LCP1: variants seen among roughly 807,000 people sequenced by gnomAD.
The protein encoded by LCP1 is lymphocyte cytosolic protein 1.
In LCP1, 23 loss-of-function variants were observed where a neutral mutation model predicts 72.0. That is an observed-to-expected ratio of 0.32 (90% CI 0.23 to 0.45). LCP1 has a LOEUF of 0.45. Among genes scored for constraint, LCP1 ranks in the 20% least tolerant of loss-of-function variants. LCP1 has a pLI of 1.00. For missense variants in LCP1, 571 were observed against 748.3 expected, an observed-to-expected ratio of 0.76 and a Z score of 2.76; for synonymous variants, 245 against 275.4, an observed-to-expected ratio of 0.89 and a Z score of 1.09.
chr13:46,138,448 T>C lies in LCP1; in HGVS notation c.1502+3844A>G, dbSNP rs763745478. Among the ~76,000 whole-genome samples, 58 of 152,230 alleles carry C rather than the reference T, an allele frequency of 3.8e-4. 1 individual carries two copies. Among genetic ancestry groups the C allele is most frequent in the Admixed American group, 7.9e-4 (12 of 15,286 alleles). ...CTGTCTACTTTCTTAAATGCACGAT[T>C]CTTATGTAGTAAACACTCATGAGAA... On this transcript the variant is annotated intron_variant, in intron 13 of 15. Coordinates refer to ENST00000323076, the MANE Select transcript of LCP1 (RefSeq NM_002298.5).
intron 13 of LCP1, among the ~76,000 whole-genome samples, chr13:46,139,831 A>T (rs2045686573): frequency 6.6e-6 from 1 of 152,196 alleles, no homozygotes; most frequent in South Asian, 2.1e-4. Context: ...TCAAGTTTAT[A>T]TTCAGTTCCA....
At chr13:46,127,903 C>T (rs77040855) in intron 15 of LCP1, among the ~76,000 whole-genome samples, 180 bp from the exon 16 acceptor site, 1,594 of 152,200 alleles carry the variant, frequency 0.01, 13 homozygotes, top group Non-Finnish European at 0.017. Context: ...ACCAAAGATT[C>T]TGACAAAGCA....
intron 15 of LCP1, among the ~76,000 whole-genome samples, chr13:46,129,060 T>C (rs1470109713): frequency 6.6e-6 from 1 of 152,198 alleles, no homozygotes; most frequent in African/African-American, 2.4e-5. Context: ...ATATTAATTA[T>C]TAACAAAGTA....
chr13:46,142,393 C>T lies in LCP1; in HGVS notation c.1401G>A (p.Gly467=). ...LENCNYAVEL[G]KNQAKFSLVG... is the part of the protein sequence containing the mutation. Reference sequence around the variant, plus strand: ...CCAGGGAGAACTTCGCTTGATTCTTCCCCAATTCTACCGCGTAGTTACAAT... The same window carrying T: ...CCAGGGAGAACTTCGCTTGATTCTTTCCCAATTCTACCGCGTAGTTACAAT... Residue 467 remains glycine (G), a synonymous_variant, in exon 13 of 16, where the codon GGG becomes GGA. Transcript: ENST00000323076. 1 of 1,613,928 alleles carries T rather than the reference C, an allele frequency of 6.2e-7. No individual in the cohort carries two copies. Among genetic ancestry groups the T allele is most frequent in the African/African-American group, 1.3e-5 (1 of 75,016 alleles).
intron 13 of LCP1, among the ~76,000 whole-genome samples, chr13:46,137,790 A>C (rs899548541): frequency 2.6e-5 from 4 of 152,210 alleles, no homozygotes; most frequent in Non-Finnish European, 4.4e-5. Context: ...TCTTTGTCAA[A>C]ATGAAACAGA....
intron 1 of LCP1, among the ~76,000 whole-genome samples, chr13:46,178,935 A>G (rs1243666944): frequency 6.6e-6 from 1 of 152,210 alleles, no homozygotes; most frequent in Non-Finnish European, 1.5e-5. Flanking sequence ...TCTCTCCTGT[A>G]TACACAGAAG....
chr13:46,148,797 GA>G (rs2045746167), intron 8 of LCP1: 1 of 911,332 alleles, frequency 1.1e-6, no homozygotes, highest in Non-Finnish European at 1.3e-6. Context: ...TATTGCTGTA[GA>G]AGTCAGTCAG....
At chr13:46,141,422 A>G (rs2045697550) in intron 13 of LCP1, among the ~76,000 whole-genome samples, 1 of 150,714 alleles carries the variant, frequency 6.6e-6, no homozygotes, top group South Asian at 2.1e-4. Flanking sequence ...AAAAAAAAAA[A>G]AAAAGAAACA....
rs1264978575 is a variant in LCP1 at position 46,126,519 on chromosome 13, GT to G, written c.*1071del. On this transcript the variant is annotated 3_prime_UTR_variant, in exon 16 of 16. Coordinates refer to ENST00000323076, the MANE Select transcript of LCP1 (RefSeq NM_002298.5). ...ATTGGCACATATTGTCCCCCCTGGA[GT>G]TTAGGGGTGGCAGAAAGCTTTTATA... 8.6e-6 allele frequency: 2 copies of G among 232,366 alleles called. No individual in the cohort carries two copies. The highest frequency in any genetic ancestry group is 1.7e-5 in the Non-Finnish European group (2 of 117,322). 14.4% of individuals were successfully genotyped at this position (232,366 alleles called of 1,614,324 possible).
In LCP1 at chr13:46,177,628, G is replaced by A. The variant is rs76144030; in HGVS notation, c.-25+4483C>T. The stretch of plus-strand genomic sequence containing the variant: ...GTACTCCAGCCTGGGTGAGCCAGGA[G>A]GCAGAGGTTTCAGTGAGCCGAGATC... On this transcript the variant is annotated intron_variant, in intron 1 of 15. Coordinates refer to ENST00000323076, the MANE Select transcript of LCP1 (RefSeq NM_002298.5). Among the ~76,000 whole-genome samples, 851 of 152,228 alleles carry A rather than the reference G, an allele frequency of 5.6e-3. 9 individuals are homozygous for A. Among genetic ancestry groups the A allele is most frequent in the African/African-American group, 0.02 (815 of 41,514 alleles).
chr13:46,173,737 C>T (rs1276564903), intron 1 of LCP1, among the ~76,000 whole-genome samples: 1 of 152,166 alleles, frequency 6.6e-6, no homozygotes, highest in African/African-American at 2.4e-5. Context: ...AGAACTGGTA[C>T]ATGATACCAA....
chr13:46,132,900 C>T (rs897123684), intron 14 of LCP1, among the ~76,000 whole-genome samples: 4 of 152,114 alleles, frequency 2.6e-5, no homozygotes, highest in South Asian at 2.1e-4. Context: ...GATATCATGA[C>T]GAACCACCTC....
intron 1 of LCP1, among the ~76,000 whole-genome samples, chr13:46,160,792 G>C (rs759426669): frequency 1.3e-5 from 2 of 152,184 alleles, no homozygotes; most frequent in Non-Finnish European, 2.9e-5. Flanking sequence ...CTGGTGCAGA[G>C]GGGATAAGTG....
intron 13 of LCP1, among the ~76,000 whole-genome samples, chr13:46,136,312 T>C (rs2045664800): frequency 6.6e-6 from 1 of 152,180 alleles, no homozygotes; most frequent in South Asian, 2.1e-4. Flanking sequence ...TTCATCAGTA[T>C]TGGTATACTT....
intron 10 of LCP1, 125 bp downstream of exon 10, chr13:46,146,783 C>A: frequency 1.1e-6 from 1 of 927,114 alleles, no homozygotes; most frequent in East Asian, 2.4e-5. Context: ...TGTTGCATAC[C>A]AGAGAATTAA....
In LCP1 at chr13:46,163,633, T is replaced by TAA. The variant is rs575609187; in HGVS notation, c.-24-3949_-24-3948dup. On this transcript the variant is annotated intron_variant, in intron 1 of 15. Transcript: ENST00000323076. ...CGAGAAACACCCAAGAATGATCAAT[T>TAA]AAAAAAAAAAAAAAAAAAACAATGA... 2.1e-3 allele frequency among the ~76,000 whole-genome samples: 234 copies of TAA among 109,226 alleles called. 4 individuals are homozygous for TAA. The highest frequency in any genetic ancestry group is 0.015 in the Middle Eastern group (3 of 206). The allele number at this position is 109,226 out of a possible 152,430, so 71.7% of individuals were successfully genotyped here.
chr13:46,179,236 C>A (rs1267331225), intron 1 of LCP1, among the ~76,000 whole-genome samples: 1 of 152,074 alleles, frequency 6.6e-6, no homozygotes, highest in African/African-American at 2.4e-5. Context: ...ACTAGGGCTT[C>A]GGTAAAGCTG....
chr13:46,149,415 A>C (rs1006547826), intron 8 of LCP1, among the ~76,000 whole-genome samples: 1 of 152,184 alleles, frequency 6.6e-6, no homozygotes, highest in Non-Finnish European at 1.5e-5. Context: ...GAAGTCAGTG[A>C]AAGTCACATG....
intron 7 of LCP1, 111 bp from the exon 8 acceptor site, chr13:46,151,189 T>C: frequency 1.9e-6 from 2 of 1,029,588 alleles, no homozygotes; most frequent in Non-Finnish European, 2.8e-6. Context: ...CAACGTTACC[T>C]CTTTGGGGTA....
Sources: gnomAD v4.1 joint callset for allele counts (sites outside exome capture counted in the v4.1 genomes callset) on GRCh38, gnomAD v4.1.1 for gene constraint, MANE v1.5 for transcripts, NCBI Gene and HGNC (gene_info 2026-07-23, HGNC 2026-07-21) for gene names.